DNAAF5: variants seen among roughly 807,000 people sequenced by gnomAD.
The protein encoded by DNAAF5 is dynein axonemal assembly factor 5.
In DNAAF5, 64 loss-of-function variants were observed where a neutral mutation model predicts 75.8. That is an observed-to-expected ratio of 0.84 (90% CI 0.69 to 1.04). DNAAF5 has a LOEUF of 1.04. Ranked by LOEUF, DNAAF5 falls within the 50% of genes least tolerant of loss-of-function variation. The probability of loss-of-function intolerance (pLI) is 0.00; values close to 1 mark genes in which losing one functional copy is unlikely to be tolerated. For missense variants in DNAAF5, 1,269 were observed against 1,178.5 expected (o/e 1.08, Z -1.12); for synonymous variants, 657 against 557.2 (o/e 1.18, Z -2.52).
chr7:738,349 C>A (rs1327824713), intron 2 of DNAAF5, among the ~76,000 whole-genome samples: 1 of 152,074 alleles, frequency 6.6e-6, no homozygotes. Flanking sequence ...GCTGGGCTTC[C>A]TCAAATAGCT....
At chr7:770,734 G>A (rs757163936) in intron 9 of DNAAF5, 116 bp downstream of exon 9, 21 of 1,008,178 alleles carry the variant, frequency 2.1e-5, no homozygotes, top group Non-Finnish European at 3.0e-5. Context: ...CCCCAACACT[G>A]CACTGCGCAA....
At chr7:736,084 A>C (rs1393923781) in intron 2 of DNAAF5, among the ~76,000 whole-genome samples, 1 of 152,156 alleles carries the variant, frequency 6.6e-6, no homozygotes, top group East Asian at 1.9e-4. Context: ...TCTTGTTATT[A>C]ATTTCTAGTT....
At chr7:743,127 G>T (rs1203841111) in intron 4 of DNAAF5, among the ~76,000 whole-genome samples, 1 of 152,210 alleles carries the variant, frequency 6.6e-6, no homozygotes, top group Admixed American at 6.5e-5. Flanking sequence ...TACGCGGGGG[G>T]CCAGGGTGGG....
intron 8 of DNAAF5, chr7:768,865 A>G: frequency 4.5e-6 from 2 of 441,434 alleles, no homozygotes; most frequent in Admixed American, 6.9e-5. Flanking sequence ...CCAGTTTAAG[A>G]TGTAGAGAGG....
At position 726,702 on chromosome 7, in the gene DNAAF5, G is replaced by T; in HGVS notation, c.-19G>T. 1.6e-6 allele frequency: 2 copies of T among 1,237,004 alleles called. No individual in the cohort carries two copies. Among genetic ancestry groups the T allele is most frequent in the South Asian group, 3.8e-5 (1 of 26,242 alleles). The allele number at this position is 1,237,004 out of a possible 1,614,324, so 76.6% of individuals were successfully genotyped here. ...TCGCGAAAGCGCTGTTCCCCTTAGT[G>T]ACCGGCGACGCGGGCAAGATGGCGG... On this transcript the variant is annotated 5_prime_UTR_variant, in exon 1 of 13. Transcript: ENST00000297440.
intron 2 of DNAAF5, chr7:732,461 G>C (rs1583474480): frequency 2.2e-6 from 1 of 449,198 alleles, no homozygotes; most frequent in South Asian, 1.6e-5. Context: ...GCTCAGCTTT[G>C]CTGCAGTTTT....
At chr7:730,006 GA>G (rs1380691027) in intron 2 of DNAAF5, among the ~76,000 whole-genome samples, 159 bp downstream of exon 2, 1 of 152,188 alleles carries the variant, frequency 6.6e-6, no homozygotes, top group Non-Finnish European at 1.5e-5. Flanking sequence ...TCACATCTTG[GA>G]AAAACTAGAA....
chr7:755,250 G>A (rs1455019454), intron 5 of DNAAF5, among the ~76,000 whole-genome samples: 2 of 152,174 alleles, frequency 1.3e-5, no homozygotes, highest in Non-Finnish European at 2.9e-5. Context: ...CACAGCTTCG[G>A]GTGTCCTGCG....
chr7:746,279 CT>C lies in DNAAF5; in HGVS notation c.1024+4815del, dbSNP rs774213783. Among the ~76,000 whole-genome samples, 1,234 of 138,540 alleles carry C rather than the reference CT, an allele frequency of 8.9e-3. 96 individuals are homozygous for C. The highest frequency in any genetic ancestry group is 0.015 in the African/African-American group (561 of 36,926). 90.9% of individuals were successfully genotyped at this position (138,540 alleles called of 152,430 possible). A position where few individuals can be genotyped will look rare whatever the true frequency, so the allele number is the denominator to read the frequency against. On this transcript the variant is annotated intron_variant, in intron 4 of 12. Coordinates refer to ENST00000297440, the MANE Select transcript of DNAAF5 (RefSeq NM_017802.4). ...GCTCTCCTTACTGTCTTGCCCCCCC[CT>C]GCCCGCTGGGCCCAGGCTCTGTGTC... is the stretch of plus-strand genomic sequence containing the variant.
intron 2 of DNAAF5, chr7:732,679 C>G (rs994612283): frequency 2.2e-6 from 1 of 452,850 alleles, no homozygotes. Flanking sequence ...ATTTTTAAAT[C>G]GCGTTATTAG....
chr7:768,858 G>T (rs376837937), intron 8 of DNAAF5: 4 of 408,326 alleles, frequency 9.8e-6, no homozygotes, highest in South Asian at 1.1e-4. Flanking sequence ...CTTGTTTCCA[G>T]TTTAAGATGT....
chr7:762,774 C>T (rs1245617903), intron 7 of DNAAF5, among the ~76,000 whole-genome samples: 7 of 151,888 alleles, frequency 4.6e-5, no homozygotes, highest in African/African-American at 1.2e-4. Context: ...CCACCATACC[C>T]GGCTAATTTT....
At position 775,028 on chromosome 7, in the gene DNAAF5, T is replaced by C. The variant is rs1778711817; in HGVS notation, c.2105T>C (p.Leu702Pro). The C allele has an allele frequency of 6.2e-7, 1 of 1,613,956 alleles. No individual in the cohort carries two copies. Among genetic ancestry groups the C allele is most frequent in the Non-Finnish European group, 8.5e-7 (1 of 1,179,946 alleles). Residue 702 changes from leucine to proline, a missense_variant, in exon 11 of 13, where the codon CTG becomes CCG. Transcript: ENST00000297440. Reference sequence around the variant, plus strand: ...CAGATACGGGACGTGCAGGAAACACTGATGCCCCAGGTCCTGACCACCCTG... The same window carrying C: ...CAGATACGGGACGTGCAGGAAACACCGATGCCCCAGGTCCTGACCACCCTG... Reference protein sequence around the residue: ...AEQIRDVQETLMPQVLTTLEE... With the variant: ...AEQIRDVQETPMPQVLTTLEE...
At chr7:764,609 C>T (rs527705858) in intron 8 of DNAAF5, among the ~76,000 whole-genome samples, 2 of 152,366 alleles carry the variant, frequency 1.3e-5, no homozygotes, top group South Asian at 2.1e-4. Context: ...CCCCCGCCTC[C>T]TGTTGGATGT....
At chr7:785,065 T>C (rs1779104886) in intron 12 of DNAAF5, among the ~76,000 whole-genome samples, 1 of 152,024 alleles carries the variant, frequency 6.6e-6, no homozygotes, top group Non-Finnish European at 1.5e-5. Flanking sequence ...ATCCACGTTA[T>C]GACTACTGTG....
At position 770,481 on chromosome 7, in the gene DNAAF5, G is replaced by T; in HGVS notation, c.1794G>T (p.Leu598=). The change falls in exon 9 of 13, where the codon CTG becomes CTT. Residue 598 remains leucine, a synonymous_variant. Coordinates refer to ENST00000297440, the MANE Select transcript of DNAAF5 (RefSeq NM_017802.4). ...SVIVAQSGPA[L]GEALPHVVPT... The stretch of plus-strand genomic sequence containing the variant: ...TGTTGTGTCTTACAGGCCCTGCCCT[G>T]GGAGAAGCCCTGCCACACGTCGTGC... 6.2e-7 allele frequency: 1 copy of T among 1,613,388 alleles called. No homozygotes were observed. Among genetic ancestry groups the T allele is most frequent in the South Asian group, 1.1e-5 (1 of 91,028 alleles).
chr7:753,058 G>A (rs930154962), intron 4 of DNAAF5, among the ~76,000 whole-genome samples: 6 of 152,248 alleles, frequency 3.9e-5, no homozygotes, highest in Non-Finnish European at 8.8e-5. Context: ...AGCGTACCGC[G>A]TGCCGCTGAG....
At chr7:740,315 G>A (rs542220248) in intron 2 of DNAAF5, among the ~76,000 whole-genome samples, 3 of 152,332 alleles carry the variant, frequency 2.0e-5, no homozygotes, top group African/African-American at 7.2e-5. Context: ...GCAGAACTGG[G>A]GACCCTACTG....
intron 12 of DNAAF5, among the ~76,000 whole-genome samples, chr7:784,327 C>G (rs575693825): frequency 1.8e-4 from 28 of 152,336 alleles, no homozygotes; most frequent in Non-Finnish European, 3.1e-4. Context: ...GTGCAGCTGC[C>G]TGGTGCCGAA....
Sources: gnomAD v4.1 joint callset for allele counts (sites outside exome capture counted in the v4.1 genomes callset) on GRCh38, gnomAD v4.1.1 for gene constraint, MANE v1.5 for transcripts, NCBI Gene and HGNC (gene_info 2026-07-23, HGNC 2026-07-21) for gene names.